ARMCX2: variants seen among roughly 807,000 people sequenced by gnomAD.
ARMCX2 encodes armadillo repeat-containing X-linked protein 2.
ARMCX2 carries 2 observed loss-of-function variants against 17.0 expected under a neutral mutation model. The observed-to-expected ratio is 0.12, with a 90% CI of 0.05 to 0.37. ARMCX2 has a LOEUF of 0.37. Ranked by LOEUF, ARMCX2 falls within the 10% of genes least tolerant of loss-of-function variation. The pLI, the probability that ARMCX2 is intolerant of heterozygous loss-of-function variation, is 1.00. For synonymous variants in ARMCX2, 182 were observed against 195.2 expected (o/e 0.93, Z 0.57); for missense variants, 408 against 497.7 (o/e 0.82, Z 1.72).
In ARMCX2 at chrX:101,659,101, A is replaced by C. The variant is rs1556082218; in HGVS notation, c.-288T>G. On this transcript the variant is annotated 5_prime_UTR_variant, in exon 3 of 6. Coordinates refer to ENST00000356824, the MANE Select transcript of ARMCX2 (RefSeq NM_177949.4). ...CCGAATTCCTTTTCCAGGACTGAAAAGACGGGGGGTGAACGGCTGTGTGGG... is the reference window on the plus strand; with the variant it reads ...CCGAATTCCTTTTCCAGGACTGAAACGACGGGGGGTGAACGGCTGTGTGGG... The C allele has an allele frequency of 9.0e-6, 1 of 111,267 alleles. No homozygotes were observed. The highest frequency in any genetic ancestry group is 9.5e-5 in the Admixed American group (1 of 10,541). 9.2% of individuals were successfully genotyped at this position (111,267 alleles called of 1,213,427 possible). A position where few individuals can be genotyped will look rare whatever the true frequency, so the allele number is the denominator to read the frequency against.
At position 101,656,428 on chromosome X, in the gene ARMCX2, A is replaced by G; in HGVS notation, c.1161T>C (p.Asp387=). The G allele has an allele frequency of 8.3e-7, 1 of 1,211,115 alleles. No individual in the cohort carries two copies. The highest frequency in any genetic ancestry group is 1.1e-6 in the Non-Finnish European group (1 of 895,392). The change falls in exon 6 of 6, where the codon GAT becomes GAC. Residue 387 remains aspartate, a synonymous_variant. Coordinates refer to ENST00000356824, the MANE Select transcript of ARMCX2 (RefSeq NM_177949.4). ...YEIDEILGVR[D]LRKVLALLQK... is the part of the protein sequence containing the mutation. ...GAAGCAAGGCAAGGACCTTCCTGAG[A>G]TCGCGGACACCCAGAATCTCATCAA...
In ARMCX2 at chrX:101,657,295, C is replaced by A. The variant is rs372074769; in HGVS notation, c.294G>T (p.Val98=). 3.6e-4 allele frequency: 436 copies of A among 1,208,216 alleles called. No individual in the cohort carries two copies. The highest frequency in any genetic ancestry group is 4.7e-4 in the Non-Finnish European group (423 of 893,051). ...SALDTVGAEA[V]APAASSAEAQ... Reference sequence around the variant, plus strand: ...CCTCAGCGCTGGATGCAGCTGGGGCCACTGCCTCAGCTCCAACTGTGTCCA... The same window carrying A: ...CCTCAGCGCTGGATGCAGCTGGGGCAACTGCCTCAGCTCCAACTGTGTCCA... The change falls in exon 6 of 6, where the codon GTG becomes GTT. Residue 98 remains valine, a synonymous_variant. Transcript: ENST00000356824.
At position 101,656,652 on chromosome X, in the gene ARMCX2, G is replaced by A. The variant is rs1556056800; in HGVS notation, c.937C>T (p.Pro313Ser). 1.7e-6 allele frequency: 2 copies of A among 1,210,593 alleles called. No individual in the cohort carries two copies. Among genetic ancestry groups the A allele is most frequent in the Admixed American group, 4.4e-5 (2 of 45,968 alleles). Residue 313 changes from proline to serine, a missense_variant, in exon 6 of 6, where the codon CCT (proline) becomes TCT (serine). By Grantham distance (74) the Pro-to-Ser change is moderately conservative. Around this residue, in one of 2 missense-constraint regions of ARMCX2, gnomAD observed 307 missense variants for 326.8 expected, o/e 0.94. Coordinates refer to ENST00000356824, the MANE Select transcript of ARMCX2 (RefSeq NM_177949.4). The stretch of plus-strand genomic sequence containing the variant: ...GCAGCTGCTGCAGCCCCATCTCCAG[G>A]ACGGAAGCCCATCCCCAGTTCGTCT... ...EVDELGMGFR[P>S]GDGAAAAAAA...
Position 101,657,080 on chromosome X carries a change from G to A in ARMCX2, c.509C>T (p.Ala170Val), listed in dbSNP as rs782669292. The change falls in exon 6 of 6, where the codon GCG (alanine) becomes GTG (valine). Residue 170 changes from alanine (A) to valine (V), a missense_variant. Around this residue, in one of 2 missense-constraint regions of ARMCX2, gnomAD observed 307 missense variants for 326.8 expected, o/e 0.94. Coordinates refer to ENST00000356824, the MANE Select transcript of ARMCX2 (RefSeq NM_177949.4). The stretch of plus-strand genomic sequence containing the variant: ...AGGCACCGCTGCCCTGGAAGTCTCC[G>A]CTTCTCTGGGAGCTTCTGCCACTTT... ...APKVAEAPRE[A>V]ETSRAAVPPG... is the part of the protein sequence containing the mutation. 41 of 1,198,017 alleles carry A rather than the reference G, an allele frequency of 3.4e-5. No individual in the cohort carries two copies. The highest frequency in any genetic ancestry group is 2.3e-4 in the Middle Eastern group (1 of 4,291).
At position 101,657,228 on chromosome X, in the gene ARMCX2, C is replaced by G. The variant is rs782751833; in HGVS notation, c.361G>C (p.Ala121Pro). The change falls in exon 6 of 6, where the codon GCC (alanine) becomes CCC (proline). Residue 121 changes from alanine (A) to proline (P), a missense_variant. Ala to Pro is a conservative substitution (Grantham distance 27). This residue lies in a region of ARMCX2 where 307 missense variants were observed against 326.8 expected (regional missense o/e 0.94). Coordinates refer to ENST00000356824, the MANE Select transcript of ARMCX2 (RefSeq NM_177949.4). ...AGSQAQEADG[A>P]GVGPKAESVV... is the part of the protein sequence containing the mutation. ...GATTCGGCCTTAGGCCCAACCCCGG[C>G]TCCATCTGCCTCTTGGGCCTGACTG... The G allele has an allele frequency of 8.3e-7, 1 of 1,201,078 alleles. No individual in the cohort carries two copies. Among genetic ancestry groups the G allele is most frequent in the Non-Finnish European group, 1.1e-6 (1 of 888,350 alleles).
intron 3 of ARMCX2, 127 bp downstream of exon 3, chrX:101,658,946 CAGA>C (rs1402536354): frequency 9.0e-6 from 1 of 111,442 alleles, no homozygotes; most frequent in Non-Finnish European, 1.9e-5. Flanking sequence ...CGTTAGCCTG[CAGA>C]AGAGGGGCCT....
At position 101,656,754 on chromosome X, in the gene ARMCX2, G is replaced by T. The variant is rs1240818240; in HGVS notation, c.835C>A (p.Pro279Thr). ...GTTACACCCTTGCCTCCACCTTTGG[G>T]TACCGCTCCAGTCGCTGATGTGGCT... is the stretch of plus-strand genomic sequence containing the variant. ...PKATSATGAV[P>T]KGGGKGVTRS... Residue 279 changes from proline (P) to threonine (T), a missense_variant, in exon 6 of 6, where the codon CCC (proline) becomes ACC (threonine). Around this residue, in one of 2 missense-constraint regions of ARMCX2, gnomAD observed 307 missense variants for 326.8 expected, o/e 0.94. Transcript: ENST00000356824. The T allele has an allele frequency of 1.7e-6, 2 of 1,209,281 alleles. No individual in the cohort carries two copies. The highest frequency in any genetic ancestry group is 4.4e-5 in the Admixed American group (2 of 45,742).
In ARMCX2 at chrX:101,658,060, T is replaced by A. The variant is rs1409483918; in HGVS notation, c.-128+13A>T. 5 of 110,424 alleles carry A rather than the reference T, an allele frequency of 4.5e-5. No individual in the cohort carries two copies. Among genetic ancestry groups the A allele is most frequent in the African/African-American group, 1.5e-4 (4 of 26,767 alleles). 9.1% of individuals were successfully genotyped at this position (110,424 alleles called of 1,213,427 possible). ...CCCCAAGGCCCCTACATGGTGCTCA[T>A]GCACATACCAACCTGGGATCAAGAG... On this transcript the variant is annotated intron_variant, in intron 5 of 5. Coordinates refer to ENST00000356824, the MANE Select transcript of ARMCX2 (RefSeq NM_177949.4).
At chrX:101,659,283 C>G (rs1176289243) in intron 2 of ARMCX2, 135 bp from the exon 3 acceptor site, 4 of 109,697 alleles carry the variant, frequency 3.6e-5, no homozygotes, top group African/African-American at 1.0e-4. Context: ...TCCCAGCACT[C>G]CCAAATCACA....
In ARMCX2 at chrX:101,657,061, C is replaced by T. The variant is rs372762758; in HGVS notation, c.528G>A (p.Ala176=). The change falls in exon 6 of 6, where the codon GCG becomes GCA. Residue 176 remains alanine (A), a synonymous_variant. Coordinates refer to ENST00000356824, the MANE Select transcript of ARMCX2 (RefSeq NM_177949.4). The stretch of plus-strand genomic sequence containing the variant: ...TAGGCACCACTGTCCCAGGAGGCAC[C>T]GCTGCCCTGGAAGTCTCCGCTTCTC... The part of the protein sequence containing the change: ...APREAETSRA[A]VPPGTVVPTE... 1.6e-5 allele frequency: 19 copies of T among 1,202,210 alleles called. No homozygotes were observed. Among genetic ancestry groups the T allele is most frequent in the South Asian group, 3.5e-5 (2 of 56,370 alleles).
chrX:101,658,273 C>T (rs1291348100), intron 4 of ARMCX2, 131 bp from the exon 5 acceptor site: 1 of 111,957 alleles, frequency 8.9e-6, no homozygotes, highest in African/African-American at 3.3e-5. Context: ...AGCCTCTCCT[C>T]CCCCAAATAT....
In ARMCX2 at chrX:101,658,060, T is replaced by C. The variant is rs1409483918; in HGVS notation, c.-128+13A>G. 2.8e-4 allele frequency: 31 copies of C among 110,424 alleles called. No individual in the cohort carries two copies. The highest frequency in any genetic ancestry group is 5.4e-4 in the Non-Finnish European group (30 of 55,613). 9.1% of individuals were successfully genotyped at this position (110,424 alleles called of 1,213,427 possible). ...CCCCAAGGCCCCTACATGGTGCTCA[T>C]GCACATACCAACCTGGGATCAAGAG... On this transcript the variant is annotated intron_variant, in intron 5 of 5. Coordinates refer to ENST00000356824, the MANE Select transcript of ARMCX2 (RefSeq NM_177949.4).
Position 101,656,758 on chromosome X carries a change from C to T in ARMCX2, c.831G>A (p.Ala277=), listed in dbSNP as rs782425870. ...AIPKATSATG[A]VPKGGGKGVT... ...CACCCTTGCCTCCACCTTTGGGTAC[C>T]GCTCCAGTCGCTGATGTGGCTTTCG... is the stretch of plus-strand genomic sequence containing the variant. The change falls in exon 6 of 6, where the codon GCG becomes GCA. Residue 277 remains alanine (A), a synonymous_variant. Transcript: ENST00000356824. The T allele has an allele frequency of 1.2e-5, 15 of 1,211,348 alleles. No individual in the cohort carries two copies. The highest frequency in any genetic ancestry group is 5.2e-5 in the African/African-American group (3 of 57,641).
At position 101,656,856 on chromosome X, in the gene ARMCX2, G is replaced by A. The variant is rs1556060113; in HGVS notation, c.733C>T (p.Pro245Ser). The change falls in exon 6 of 6, where the codon CCT becomes TCT. Residue 245 changes from proline to serine, a missense_variant. Coordinates refer to ENST00000356824, the MANE Select transcript of ARMCX2 (RefSeq NM_177949.4). Reference sequence around the variant, plus strand: ...GTTCCAGGAACCACCGCTGTTCTAGGGGAACCAGAAGTTCCAGGAGACTCT... The same window carrying A: ...GTTCCAGGAACCACCGCTGTTCTAGAGGAACCAGAAGTTCCAGGAGACTCT... ...AAESPGTSGS[P>S]RTAVVPGTSA... 1.7e-6 allele frequency: 2 copies of A among 1,211,524 alleles called. No individual in the cohort carries two copies. Among genetic ancestry groups the A allele is most frequent in the South Asian group, 3.5e-5 (2 of 56,978 alleles).
Sources: gnomAD v4.1 joint callset for allele counts on GRCh38, gnomAD v4.1.1 for gene constraint, gnomAD v4.1.1 regional missense constraint, MANE v1.5 for transcripts, NCBI Gene and HGNC (gene_info 2026-07-23, HGNC 2026-07-21) for gene names.